Variants in FAT3 observed in about 807,000 individuals in gnomAD.
FAT3 encodes the protein protocadherin Fat 3.
A neutral mutation model predicts 310.2 loss-of-function variants in FAT3; 95 were observed. That is an observed-to-expected ratio of 0.31 (90% CI 0.26 to 0.36). FAT3 has a LOEUF of 0.36. FAT3 is among the 10% of genes least tolerant of loss of function. The probability of loss-of-function intolerance (pLI) is 1.00; values close to 1 mark genes in which losing one functional copy is unlikely to be tolerated. For missense variants in FAT3, 5,408 were observed against 5,715.6 expected, an observed-to-expected ratio of 0.95 and a Z score of 1.74; for synonymous variants, 2,314 against 2,192.9, an observed-to-expected ratio of 1.06 and a Z score of -1.54.
At chr11:92,341,432 T>C (rs1948259667) in intron 1 of FAT3, among the ~76,000 whole-genome samples, 1 of 152,176 alleles carries the variant, frequency 6.6e-6, no homozygotes. Context: ...TGGGCTTATA[T>C]GCACCAGTCA....
intron 3 of FAT3, among the ~76,000 whole-genome samples, chr11:92,611,813 G>A (rs472686): frequency 0.56 from 85,372 of 152,026 alleles, 25,394 homozygotes; most frequent in African/African-American, 0.76. Context: ...GGCCAAAAAG[G>A]CCAAACATCT....
intron 1 of FAT3, among the ~76,000 whole-genome samples, chr11:92,255,615 T>G (rs1190738533): frequency 1.3e-5 from 2 of 152,154 alleles, no homozygotes; most frequent in Non-Finnish European, 2.9e-5. Context: ...CATATTGCTC[T>G]GAACTGGGTC....
In FAT3 at chr11:92,425,750, A is replaced by G. The variant is rs936368560; in HGVS notation, c.3292+70346A>G. ...ATGGCTGCATTGTATTCCATGGTGTATATGTGCTACATTTTCTTTATTTGG... is the reference window on the plus strand; with the variant it reads ...ATGGCTGCATTGTATTCCATGGTGTGTATGTGCTACATTTTCTTTATTTGG... On this transcript the variant is annotated intron_variant, in intron 2 of 27. Coordinates refer to ENST00000525166, the MANE Select transcript of FAT3 (RefSeq NM_001367949.2). Among the ~76,000 whole-genome samples the G allele has an allele frequency of 2.6e-5, 4 of 152,246 alleles. 1 individual carries two copies. In the South Asian group the frequency reaches 6.2e-4, roughly 24 times the overall value.
chr11:92,866,402 G>A (rs1257243302), intron 21 of FAT3, among the ~76,000 whole-genome samples: 2 of 152,176 alleles, frequency 1.3e-5, no homozygotes, highest in Admixed American at 1.3e-4. Flanking sequence ...TAAGAAGGGT[G>A]CAGAGAATAA....
intron 24 of FAT3, among the ~76,000 whole-genome samples, chr11:92,885,175 A>G (rs1440610758): frequency 6.6e-6 from 1 of 152,222 alleles, no homozygotes. Flanking sequence ...CCAGAATGCA[A>G]GGGTTGAGAA....
intron 2 of FAT3, among the ~76,000 whole-genome samples, chr11:92,423,608 C>T (rs1403009068): frequency 6.6e-6 from 1 of 152,130 alleles, no homozygotes; most frequent in Non-Finnish European, 1.5e-5. Context: ...CTGTTTTAGT[C>T]AGGGTTCTCC....
At chr11:92,362,221 C>T (rs1032334390) in intron 2 of FAT3, among the ~76,000 whole-genome samples, 1 of 152,102 alleles carries the variant, frequency 6.6e-6, no homozygotes, top group Non-Finnish European at 1.5e-5. Context: ...CTTAGGAGAC[C>T]TAATGTACAC....
chr11:92,790,906 G>A (rs563813465), intron 8 of FAT3, among the ~76,000 whole-genome samples: 9 of 152,108 alleles, frequency 5.9e-5, no homozygotes, highest in South Asian at 2.1e-4. Context: ...GAATCTCTGC[G>A]GCATTGCACA....
At chr11:92,358,647 C>A (rs1273529712) in intron 2 of FAT3, among the ~76,000 whole-genome samples, 1 of 152,010 alleles carries the variant, frequency 6.6e-6, no homozygotes, top group Non-Finnish European at 1.5e-5. Context: ...AATCTAAGCC[C>A]AAGGAGCTGA....
At chr11:92,880,658 A>T (rs2136396275) in intron 22 of FAT3, 73 bp from the exon 23 acceptor site, 1 of 1,484,706 alleles carries the variant, frequency 6.7e-7, no homozygotes, top group Non-Finnish European at 9.0e-7. Context: ...TTAGGAGGAC[A>T]TGTTATAGCT....
At position 92,805,147 on chromosome 11, in the gene FAT3, C is replaced by T. The variant is rs1947467932; in HGVS notation, c.8897-6C>T. ...TTCAAAAGCTCTTTTGTTTTTTTAA[C>T]TGCAGGAGGAAACCCTCGAGGAAGG... is the stretch of plus-strand genomic sequence containing the variant. On this transcript the variant is annotated splice_polypyrimidine_tract_variant and splice_region_variant and intron_variant, in intron 10 of 27. Transcript: ENST00000525166. 1 of 1,603,580 alleles carries T rather than the reference C, an allele frequency of 6.2e-7. No homozygotes were observed. Among genetic ancestry groups the T allele is most frequent in the African/African-American group, 1.3e-5 (1 of 74,528 alleles).
intron 3 of FAT3, among the ~76,000 whole-genome samples, chr11:92,582,832 CAATACTGTG>C (rs1011337717): frequency 1.3e-5 from 2 of 151,972 alleles, no homozygotes; most frequent in Non-Finnish European, 2.9e-5. Context: ...TTGGAAAATG[CAATACTGTG>C]AATATTATCT....
intron 1 of FAT3, among the ~76,000 whole-genome samples, chr11:92,285,880 T>C (rs1946550240): frequency 6.6e-6 from 1 of 152,118 alleles, no homozygotes; most frequent in Admixed American, 6.6e-5. Flanking sequence ...GATTGTATAT[T>C]TTGTTTTCTA....
intron 4 of FAT3, among the ~76,000 whole-genome samples, chr11:92,753,798 G>GTGTATATATATATATATATATATATATA: frequency 7.6e-4 from 91 of 119,114 alleles, no homozygotes; most frequent in African/African-American, 2.3e-3. Flanking sequence ...GTGTGTGTGT[G>GTGTATATATATATATATATATATATATA]TATATATATA....
chr11:92,595,753 T>C (rs1264235068), intron 3 of FAT3, among the ~76,000 whole-genome samples: 1 of 152,206 alleles, frequency 6.6e-6, no homozygotes, highest in African/African-American at 2.4e-5. Flanking sequence ...TAAATAAATA[T>C]GACCTCATTT....
At chr11:92,563,470 T>C (rs1157318803) in intron 3 of FAT3, among the ~76,000 whole-genome samples, 2 of 152,208 alleles carry the variant, frequency 1.3e-5, no homozygotes, top group African/African-American at 2.4e-5. Flanking sequence ...TATTCAAATA[T>C]ATTATTGTAA....
intron 9 of FAT3, among the ~76,000 whole-genome samples, chr11:92,797,375 A>C (rs896685553): frequency 3.3e-5 from 5 of 152,318 alleles, no homozygotes; most frequent in African/African-American, 1.2e-4. Flanking sequence ...TAATGCTCTG[A>C]AACTATTCCC....
chr11:92,605,732 T>G (rs1287555627), intron 3 of FAT3, among the ~76,000 whole-genome samples: 3 of 149,548 alleles, frequency 2.0e-5, no homozygotes, highest in East Asian at 3.9e-4. Flanking sequence ...TTTTTTTTTT[T>G]TTTTTTTTTT....
At chr11:92,761,722 A>G (rs1946155674) in intron 4 of FAT3, 134 bp from the exon 5 acceptor site, 2 of 798,560 alleles carry the variant, frequency 2.5e-6, no homozygotes, top group African/African-American at 1.7e-5. Context: ...AGATGAAAAA[A>G]GAGAAGAAAA....
Sources: allele counts gnomAD v4.1 joint callset (sites outside exome capture counted in the v4.1 genomes callset), GRCh38; gene constraint gnomAD v4.1.1; transcripts MANE v1.5; gene names NCBI Gene and HGNC (gene_info 2026-07-23, HGNC 2026-07-21).